Variants in KAZN observed in about 807,000 individuals in gnomAD.
KAZN encodes kazrin, periplakin interacting protein.
Under a neutral mutation model 87.4 loss-of-function variants are expected in KAZN, and 40 were observed. The observed-to-expected ratio is 0.46, with a 90% confidence interval of 0.36 to 0.60. The LOEUF is 0.60. KAZN is among the 20% of genes least tolerant of loss of function. The pLI is 0.00. For synonymous variants in KAZN, 466 were observed against 458.3 expected (o/e 1.02, Z -0.22); for missense variants, 898 against 1,073.9 (o/e 0.84, Z 2.29).
intron 1 of KAZN, among the ~76,000 whole-genome samples, chr1:13,944,195 G>A (rs1234691336): frequency 6.6e-6 from 1 of 152,152 alleles, no homozygotes; most frequent in Admixed American, 6.5e-5. Context: ...GCAACAAAAG[G>A]GAATAAACTA....
At chr1:14,378,943 G>A (rs1053416585) in intron 2 of KAZN, among the ~76,000 whole-genome samples, 5 of 151,366 alleles carry the variant, frequency 3.3e-5, no homozygotes, top group African/African-American at 7.3e-5. Context: ...CTGATCCCCC[G>A]CCAAACCGAG....
In KAZN at chr1:14,436,839, A is replaced by C. The variant is rs191631783; in HGVS notation, c.250-162144A>C. 1.4e-4 allele frequency among the ~76,000 whole-genome samples: 21 copies of C among 152,294 alleles called. No individual in the cohort carries two copies. The East Asian group carries it at 3.9e-3, about 28-fold the overall frequency. On this transcript the variant is annotated intron_variant, in intron 2 of 16. Coordinates refer to the KAZN transcript ENST00000636203. ...TTAAGTTACTTGGCCAAGGTCCGAC[A>C]GCTGGTCAGTGGAGCAAAGAGGATT...
chr1:14,591,154 C>T (rs1298079627), intron 2 of KAZN, among the ~76,000 whole-genome samples: 1 of 149,030 alleles, frequency 6.7e-6, no homozygotes, highest in African/African-American at 2.4e-5. Flanking sequence ...TTCTGGGTTG[C>T]TGGAAAATCA....
chr1:14,681,232 A>G (rs1402820044), intron 1 of KAZN, among the ~76,000 whole-genome samples: 2 of 152,160 alleles, frequency 1.3e-5, no homozygotes, highest in East Asian at 1.9e-4. Context: ...TACCTACACT[A>G]TATCATGTGG....
intron 2 of KAZN, among the ~76,000 whole-genome samples, chr1:14,314,630 C>T (rs902724592): frequency 1.6e-4 from 24 of 152,100 alleles, no homozygotes; most frequent in African/African-American, 5.8e-4. Flanking sequence ...TGACATCATT[C>T]TTTCATTCTT....
chr1:14,656,363 G>C (rs1638792121), intron 1 of KAZN, among the ~76,000 whole-genome samples: 1 of 152,160 alleles, frequency 6.6e-6, no homozygotes, highest in South Asian at 2.1e-4. Flanking sequence ...CCAGACAGTG[G>C]GGTCAGCCTA....
intron 1 of KAZN, among the ~76,000 whole-genome samples, chr1:14,919,823 A>G (rs1410693951): frequency 1.3e-5 from 2 of 152,182 alleles, no homozygotes; most frequent in Non-Finnish European, 2.9e-5. Flanking sequence ...AAAACTTACC[A>G]TCGTGTTACA....
At position 13,893,284 on chromosome 1, in the gene KAZN, G is replaced by A. The variant is rs574310367; in HGVS notation, c.-382G>A. The A allele has an allele frequency of 1.1e-3, 187 of 170,606 alleles. 1 individual carries two copies. The highest frequency in any genetic ancestry group is 4.3e-3 in the African/African-American group (182 of 42,068). 10.6% of individuals were successfully genotyped at this position (170,606 alleles called of 1,614,324 possible). A position where few individuals can be genotyped will look rare whatever the true frequency, so the allele number is the denominator to read the frequency against. ...CACAGCCGGGGCTGAGCTGCTCCCG[G>A]GGACCCTGCCCCTTCCAGGTGACCC... On this transcript the variant is annotated 5_prime_UTR_variant, in exon 1 of 17. Transcript: ENST00000636203.
chr1:15,059,174 C>T (rs1389951028), intron 5 of KAZN, among the ~76,000 whole-genome samples: 1 of 150,722 alleles, frequency 6.6e-6, no homozygotes, highest in Non-Finnish European at 1.5e-5. Flanking sequence ...TGGGCTCAAG[C>T]AGTCCTCCCT....
intron 2 of KAZN, among the ~76,000 whole-genome samples, chr1:14,474,459 G>A (rs1035068917): frequency 6.6e-6 from 1 of 152,138 alleles, no homozygotes; most frequent in Non-Finnish European, 1.5e-5. Context: ...ACTATTCAGG[G>A]TATAGTAGCA....
intron 1 of KAZN, among the ~76,000 whole-genome samples, chr1:14,619,946 G>A (rs1161337996): frequency 6.6e-6 from 1 of 152,150 alleles, no homozygotes; most frequent in Non-Finnish European, 1.5e-5. Flanking sequence ...TGATGGGCAC[G>A]TGAGTTGTTT....
chr1:14,973,881 A>T (rs1665344299), intron 2 of KAZN, among the ~76,000 whole-genome samples: 1 of 152,146 alleles, frequency 6.6e-6, no homozygotes, highest in South Asian at 2.1e-4. Flanking sequence ...CACTGCCTGT[A>T]AATCTTAGTG....
chr1:14,534,876 C>G (rs946991431), intron 2 of KAZN, among the ~76,000 whole-genome samples: 1 of 152,120 alleles, frequency 6.6e-6, no homozygotes. Flanking sequence ...CTACCTTCTC[C>G]TCTGAGCCTG....
intron 8 of KAZN, among the ~76,000 whole-genome samples, chr1:15,078,297 CG>C (rs1302129662): frequency 1.3e-5 from 2 of 152,026 alleles, no homozygotes; most frequent in African/African-American, 2.4e-5. Context: ...CACAGCTACT[CG>C]GGGGGCTGAG....
intron 1 of KAZN, among the ~76,000 whole-genome samples, chr1:14,883,405 A>AAG (rs1323763232): frequency 1.4e-4 from 20 of 144,452 alleles, no homozygotes; most frequent in African/African-American, 5.5e-4. Flanking sequence ...GAAAGAAAGA[A>AAG]AGAAAGAAAG....
intron 1 of KAZN, among the ~76,000 whole-genome samples, chr1:14,126,353 T>TCCC (rs111821810): frequency 8.8e-5 from 3 of 34,156 alleles, no homozygotes; most frequent in African/African-American, 1.5e-4. Flanking sequence ...AGCTCTCCCC[T>TCCC]CCCCCCCCCC....
intron 2 of KAZN, among the ~76,000 whole-genome samples, chr1:14,542,772 T>C (rs895786983): frequency 6.6e-6 from 1 of 152,206 alleles, no homozygotes; most frequent in Non-Finnish European, 1.5e-5. Flanking sequence ...TATTTGTCTT[T>C]ACCTCCTGCT....
intron 1 of KAZN, among the ~76,000 whole-genome samples, chr1:13,952,140 C>T (rs1275036181): frequency 6.6e-6 from 1 of 151,926 alleles, no homozygotes; most frequent in Non-Finnish European, 1.5e-5. Context: ...TTCAGGACTC[C>T]CTAGAGCTTC....
At chr1:14,419,421 A>G (rs2101288355) in intron 2 of KAZN, among the ~76,000 whole-genome samples, 1 of 152,228 alleles carries the variant, frequency 6.6e-6, no homozygotes, top group South Asian at 2.1e-4. Flanking sequence ...CCCTTGTCAC[A>G]GAACATGAGT....
Sources: allele counts gnomAD v4.1 joint callset (sites outside exome capture counted in the v4.1 genomes callset), GRCh38; gene constraint gnomAD v4.1.1; transcripts MANE v1.5; gene names NCBI Gene and HGNC (gene_info 2026-07-23, HGNC 2026-07-21).